TENM4: variants seen among roughly 807,000 people sequenced by gnomAD.
TENM4 encodes the protein teneurin transmembrane protein 4.
In TENM4, 82 loss-of-function variants were observed where a neutral mutation model predicts 243.3. The observed-to-expected ratio is 0.34, with a 90% CI of 0.28 to 0.40. The LOEUF is 0.40. Ranked by LOEUF, TENM4 falls within the 10% of genes least tolerant of loss-of-function variation. The pLI is 1.00. For synonymous variants in TENM4, 1,412 were observed against 1,456.3 expected (o/e 0.97, Z 0.69); for missense variants, 3,138 against 3,673.3 (o/e 0.85, Z 3.77).
intron 1 of TENM4, among the ~76,000 whole-genome samples, chr11:79,428,349 T>A (rs1243898392): frequency 6.6e-6 from 1 of 152,172 alleles, no homozygotes; most frequent in Non-Finnish European, 1.5e-5. Flanking sequence ...GTCTAAGAGA[T>A]GTAAAATCAC....
Position 79,069,794 on chromosome 11 carries a change from C to A in TENM4, c.151G>T (p.Asp51Tyr). The change falls in exon 5 of 34, where the codon GAC becomes TAC. Residue 51 changes from aspartate to tyrosine, a missense_variant. Physicochemically the swap from Asp to Tyr is radical, Grantham distance 160. Around this residue, in one of 2 missense-constraint regions of TENM4, gnomAD observed 671 missense variants for 614.1 expected, o/e 1.09. Coordinates refer to ENST00000278550, the MANE Select transcript of TENM4 (RefSeq NM_001098816.3). Reference sequence around the variant, plus strand: ...CGGCTGCCATAGGCTAGGCGGGCGTCCTGGTCGTAGGCCTTCAGGGTCTCG... The same window carrying A: ...CGGCTGCCATAGGCTAGGCGGGCGTACTGGTCGTAGGCCTTCAGGGTCTCG... ...SSETLKAYDQ[D>Y]ARLAYGSRVK... 6.4e-7 allele frequency: 1 copy of A among 1,551,290 alleles called. No homozygotes were observed. The highest frequency in any genetic ancestry group is 1.7e-4 in the Middle Eastern group (1 of 5,992).
chr11:78,696,854 A>T (rs1858979584), intron 28 of TENM4, among the ~76,000 whole-genome samples: 2 of 151,942 alleles, frequency 1.3e-5, no homozygotes, highest in Non-Finnish European at 2.9e-5. Context: ...ACTCTCAGGT[A>T]TGTGGGATTT....
chr11:79,177,903 C>A (rs888526388), intron 3 of TENM4, among the ~76,000 whole-genome samples: 3 of 152,092 alleles, frequency 2.0e-5, no homozygotes, highest in African/African-American at 7.2e-5. Context: ...TTAGCTTTTC[C>A]TCTGAGATGG....
rs1367483973 is a variant in TENM4 at position 78,701,861 on chromosome 11, C to T, written c.4752G>A (p.Gln1584=). 1 of 1,614,026 alleles carries T rather than the reference C, an allele frequency of 6.2e-7. No individual in the cohort carries two copies. ...CGGTGGTATCAAACAGATAGAGCTC[C>T]TGGTCAATTGGTGAAGACAGCTCAT... ...NMYELSSPID[Q]ELYLFDTTGK... is the part of the protein sequence containing the mutation. Residue 1584 remains glutamine (Q), a synonymous_variant, in exon 28 of 34, where the codon CAG becomes CAA. Transcript: ENST00000278550.
chr11:79,224,796 T>C (rs1273615748), intron 2 of TENM4, among the ~76,000 whole-genome samples: 3 of 152,022 alleles, frequency 2.0e-5, no homozygotes, highest in Admixed American at 6.6e-5. Context: ...ACTGAAAATA[T>C]AAAAATTAGT....
chr11:78,858,172 G>A lies in TENM4; in HGVS notation c.1256-1994C>T, dbSNP rs577360670. ...TGCACAGTTCATTTTCTCCCTCAAT[G>A]AGCGTATTTTTAGGAGACAGTGACT... On this transcript the variant is annotated intron_variant, in intron 10 of 33. Transcript: ENST00000278550. 2.6e-5 allele frequency among the ~76,000 whole-genome samples: 4 copies of A among 152,280 alleles called. No individual in the cohort carries two copies. The East Asian group carries it at 5.8e-4, about 22-fold the overall frequency.
chr11:78,698,796 C>T (rs674002), intron 28 of TENM4, among the ~76,000 whole-genome samples: 9,305 of 152,318 alleles, frequency 0.061, 692 homozygotes, highest in African/African-American at 0.18. Context: ...TAGCCTGTCC[C>T]TGAGTCACAT....
intron 3 of TENM4, among the ~76,000 whole-genome samples, chr11:79,214,482 G>A (rs138470458): frequency 0.011 from 1,627 of 152,170 alleles, 32 homozygotes; most frequent in African/African-American, 0.037. Context: ...TGTCTTTGTC[G>A]AATAACTAAA....
intron 1 of TENM4, among the ~76,000 whole-genome samples, chr11:79,401,502 T>G (rs982095987): frequency 4.6e-4 from 70 of 152,354 alleles, no homozygotes; most frequent in African/African-American, 1.6e-3. Flanking sequence ...TTTTGCTGGT[T>G]ACAAAAGTAA....
chr11:79,221,249 C>T (rs1864148320), intron 2 of TENM4: 1 of 152,062 alleles, frequency 6.6e-6, no homozygotes, highest in Non-Finnish European at 1.5e-5. Flanking sequence ...AGGTTAATAC[C>T]CTTCTCCTGA....
intron 1 of TENM4, among the ~76,000 whole-genome samples, chr11:79,409,130 G>T (rs1243149445): frequency 6.7e-6 from 1 of 149,004 alleles, no homozygotes. Flanking sequence ...GCACGCGCAC[G>T]CACATGCGTG....
intron 2 of TENM4, among the ~76,000 whole-genome samples, chr11:79,248,173 G>A (rs1037454747): frequency 2.6e-5 from 4 of 152,258 alleles, no homozygotes; most frequent in Admixed American, 6.5e-5. Flanking sequence ...AAGAGACTGC[G>A]ACTACCTTCA....
chr11:78,985,395 T>C (rs1430651741), intron 6 of TENM4, among the ~76,000 whole-genome samples: 1 of 152,216 alleles, frequency 6.6e-6, no homozygotes, highest in Admixed American at 6.5e-5. Flanking sequence ...GATTTTATAC[T>C]CTTACTAATA....
intron 15 of TENM4, among the ~76,000 whole-genome samples, chr11:78,799,549 T>C (rs1591032210): frequency 6.6e-6 from 1 of 152,250 alleles, no homozygotes; most frequent in African/African-American, 2.4e-5. Context: ...GCAGCCACCA[T>C]ATACATGTGA....
chr11:79,163,435 G>A (rs959789611), intron 3 of TENM4, among the ~76,000 whole-genome samples: 4 of 151,944 alleles, frequency 2.6e-5, no homozygotes, highest in African/African-American at 7.3e-5. Context: ...TGGGGGAACA[G>A]GTGGTTCTTG....
chr11:79,021,663 T>C (rs1858932622), intron 6 of TENM4: 1 of 152,308 alleles, frequency 6.6e-6, no homozygotes. Flanking sequence ...ACTTGGAAGT[T>C]GGGCTGGCTG....
chr11:79,268,243 T>C (rs915848178), intron 2 of TENM4, among the ~76,000 whole-genome samples: 3 of 152,202 alleles, frequency 2.0e-5, no homozygotes, highest in Non-Finnish European at 4.4e-5. Flanking sequence ...CTATATGACC[T>C]CTGTTGCAAC....
At position 79,212,739 on chromosome 11, in the gene TENM4, G is replaced by A. The variant is rs141001416; in HGVS notation, c.-163+3069C>T. Among the ~76,000 whole-genome samples the A allele has an allele frequency of 3.6e-4, 55 of 152,100 alleles. No homozygotes were observed. In the East Asian group the frequency reaches 3.7e-3, roughly 10 times the overall value. On this transcript the variant is annotated intron_variant, in intron 3 of 33. Transcript: ENST00000278550. ...CCCTGGAAACATCCTTTTAAATCAC[G>A]TCTCCCTCCTCCACAGTGTTTGCAA...
intron 2 of TENM4, among the ~76,000 whole-genome samples, chr11:79,217,812 TC>T (rs1278904082): frequency 6.6e-6 from 1 of 151,818 alleles, no homozygotes; most frequent in Admixed American, 6.6e-5. Context: ...AACCTCCGCC[TC>T]CCAGGTTCAA....
Sources: gnomAD v4.1 joint callset for allele counts (sites outside exome capture counted in the v4.1 genomes callset) on GRCh38, gnomAD v4.1.1 for gene constraint, gnomAD v4.1.1 regional missense constraint, MANE v1.5 for transcripts, NCBI Gene and HGNC (gene_info 2026-07-23, HGNC 2026-07-21) for gene names.